ASIC2: variants seen among roughly 807,000 people sequenced by gnomAD.
ASIC2 encodes acid-sensing ion channel 2.
ASIC2 carries 25 observed loss-of-function variants against 57.3 expected under a neutral mutation model. The observed-to-expected ratio is 0.44, with a 90% CI of 0.32 to 0.61. The LOEUF (loss-of-function observed/expected upper bound fraction) is 0.61. Ranked by LOEUF, ASIC2 falls within the 20% of genes least tolerant of loss-of-function variation. The pLI is 0.06. For missense variants in ASIC2, 641 were observed against 738.1 expected (o/e 0.87, Z 1.52); for synonymous variants, 319 against 307.5 (o/e 1.04, Z -0.39).
At chr17:33,948,147 G>A (rs1481947258) in intron 1 of ASIC2, among the ~76,000 whole-genome samples, 1 of 152,202 alleles carries the variant, frequency 6.6e-6, no homozygotes, top group Admixed American at 6.5e-5. Flanking sequence ...TGATGGGGCA[G>A]AAGGGAACAC....
At chr17:33,246,982 A>G (rs542033693) in intron 1 of ASIC2, among the ~76,000 whole-genome samples, 1 of 152,368 alleles carries the variant, frequency 6.6e-6, no homozygotes, top group South Asian at 2.1e-4. Context: ...TGGATTTGAA[A>G]AAAGATGTAG....
intron 1 of ASIC2, among the ~76,000 whole-genome samples, chr17:33,193,327 T>A (rs911467617): frequency 6.6e-6 from 1 of 152,210 alleles, no homozygotes; most frequent in Non-Finnish European, 1.5e-5. Context: ...GAGAGATTTG[T>A]GCCCACAGGT....
At chr17:33,969,775 T>G (rs142609039) in intron 1 of ASIC2, among the ~76,000 whole-genome samples, 2 of 152,114 alleles carry the variant, frequency 1.3e-5, no homozygotes, top group Non-Finnish European at 2.9e-5. Flanking sequence ...GAAAAAGCCC[T>G]GGGGCAGAGA....
intron 1 of ASIC2, among the ~76,000 whole-genome samples, chr17:34,108,571 T>C (rs1444583087): frequency 1.3e-5 from 2 of 152,188 alleles, no homozygotes; most frequent in Non-Finnish European, 2.9e-5. Context: ...TGTATCGTGG[T>C]GAACACTCCT....
chr17:33,824,779 C>CA (rs11371565), intron 1 of ASIC2, among the ~76,000 whole-genome samples: 123,467 of 152,090 alleles, frequency 0.81, 50,471 homozygotes, highest in African/African-American at 0.86. Flanking sequence ...TCTTGCAAGC[C>CA]CCATGCAAGA....
At chr17:33,554,439 G>A (rs573641065) in intron 1 of ASIC2, among the ~76,000 whole-genome samples, 3 of 152,038 alleles carry the variant, frequency 2.0e-5, no homozygotes, top group Admixed American at 2.0e-4. Context: ...GACCATAGAA[G>A]GGCTATTGTA....
intron 1 of ASIC2, among the ~76,000 whole-genome samples, chr17:34,082,799 C>A (rs1909940696): frequency 6.6e-6 from 1 of 152,330 alleles, no homozygotes; most frequent in East Asian, 1.9e-4. Flanking sequence ...TTTAAGTAAC[C>A]AGTCCAGGTC....
intron 3 of ASIC2, among the ~76,000 whole-genome samples, chr17:33,065,208 G>T (rs1306003625): frequency 1.3e-5 from 2 of 152,058 alleles, no homozygotes; most frequent in African/African-American, 4.8e-5. Flanking sequence ...ACAAAGTCTT[G>T]GTTTGTCACC....
intron 1 of ASIC2, among the ~76,000 whole-genome samples, chr17:33,516,450 C>T (rs1171287832): frequency 6.6e-6 from 1 of 151,002 alleles, no homozygotes; most frequent in Admixed American, 6.6e-5. Context: ...GGTGGTGATG[C>T]TGTTGTTGCT....
chr17:33,821,173 C>G (rs1320500300), intron 1 of ASIC2, among the ~76,000 whole-genome samples: 2 of 152,148 alleles, frequency 1.3e-5, no homozygotes, highest in Non-Finnish European at 2.9e-5. Context: ...CTTTCTTAGT[C>G]AAATCCCATC....
At chr17:33,827,025 A>G (rs1046463008) in intron 1 of ASIC2, among the ~76,000 whole-genome samples, 1 of 152,210 alleles carries the variant, frequency 6.6e-6, no homozygotes, top group Non-Finnish European at 1.5e-5. Flanking sequence ...TTGAAAGCAT[A>G]TAGTTTGTTG....
chr17:34,086,638 G>A (rs541550919), intron 1 of ASIC2, among the ~76,000 whole-genome samples: 1 of 152,132 alleles, frequency 6.6e-6, no homozygotes, highest in Non-Finnish European at 1.5e-5. Context: ...TGACAGTGGG[G>A]TGTTAAAGTC....
At chr17:33,533,552 A>G (rs1915126796) in intron 1 of ASIC2, 1 of 152,162 alleles carries the variant, frequency 6.6e-6, no homozygotes, top group Non-Finnish European at 1.5e-5. Context: ...AGATTCAAAT[A>G]AAAGGCCTTG....
intron 1 of ASIC2, among the ~76,000 whole-genome samples, chr17:34,133,245 C>A (rs34025446): frequency 6.6e-6 from 1 of 151,482 alleles, no homozygotes; most frequent in Non-Finnish European, 1.5e-5. Context: ...TGCCTTCAAG[C>A]GTCTTTCTTT....
chr17:33,061,211 G>A (rs1275789820), intron 3 of ASIC2, among the ~76,000 whole-genome samples: 2 of 152,154 alleles, frequency 1.3e-5, no homozygotes, highest in Non-Finnish European at 1.5e-5. Flanking sequence ...GAATAGGAGT[G>A]GTGAGAGAGG....
chr17:33,466,490 A>C (rs192839684), intron 1 of ASIC2, among the ~76,000 whole-genome samples: 14 of 152,224 alleles, frequency 9.2e-5, no homozygotes, highest in African/African-American at 1.9e-4. Context: ...GGAAAAAAAA[A>C]CCTACTTTCA....
intron 1 of ASIC2, among the ~76,000 whole-genome samples, chr17:33,681,152 T>C (rs932992487): frequency 3.9e-5 from 6 of 152,232 alleles, no homozygotes; most frequent in African/African-American, 1.2e-4. Flanking sequence ...GCATCTGTTG[T>C]CATGCACACC....
chr17:33,950,890 G>A (rs1048682058), intron 1 of ASIC2, among the ~76,000 whole-genome samples: 2 of 151,242 alleles, frequency 1.3e-5, no homozygotes, highest in African/African-American at 4.8e-5. Context: ...CAGCTCAGTG[G>A]TGGCTTAGCA....
intron 1 of ASIC2, among the ~76,000 whole-genome samples, chr17:33,354,917 A>G (rs1908319451): frequency 6.6e-6 from 1 of 152,178 alleles, no homozygotes; most frequent in South Asian, 2.1e-4. Flanking sequence ...GCAGGCACCC[A>G]GTACACATCT....
Sources: gnomAD v4.1 joint callset for allele counts (sites outside exome capture counted in the v4.1 genomes callset) on GRCh38, gnomAD v4.1.1 for gene constraint, MANE v1.5 for transcripts, NCBI Gene and HGNC (gene_info 2026-07-23, HGNC 2026-07-21) for gene names.